PRSS55: variants seen among roughly 807,000 people sequenced by gnomAD.
The protein encoded by PRSS55 is probable serine protease UNQ9391/PRO34284.
A neutral mutation model predicts 23.6 loss-of-function variants in PRSS55; 41 were observed. That is an observed-to-expected ratio of 1.74 (90% confidence interval 1.35 to 2.26). The LOEUF (loss-of-function observed/expected upper bound fraction) is 2.26. PRSS55 is among the 30% of genes most tolerant of loss of function. The pLI is 0.00. For missense variants in PRSS55, 669 were observed against 439.1 expected (o/e 1.52, Z -4.68); for synonymous variants, 262 against 175.5 (o/e 1.49, Z -3.90).
chr8:10,533,063 C>T lies in PRSS55; in HGVS notation c.741+15C>T, dbSNP rs960416540. 2 of 1,613,812 alleles carry T rather than the reference C, an allele frequency of 1.2e-6. No individual in the cohort carries two copies. The highest frequency in any genetic ancestry group is 1.7e-6 in the Non-Finnish European group (2 of 1,179,788). ...ATGCCTGCAAGGTAACTAGGGGGTA[C>T]CCTCCCTCACCTTATAGGTCCTCAC... is the stretch of plus-strand genomic sequence containing the variant. On this transcript the variant is annotated intron_variant, in intron 4 of 4. Transcript: ENST00000328655.
chr8:10,530,073 C>A (rs1379109542), intron 2 of PRSS55, among the ~76,000 whole-genome samples: 2 of 152,234 alleles, frequency 1.3e-5, no homozygotes, highest in Non-Finnish European at 2.9e-5. Flanking sequence ...CACCTGACCC[C>A]CTACTCTCCT....
At chr8:10,536,003 G>A (rs544959097) in intron 4 of PRSS55, among the ~76,000 whole-genome samples, 2 of 152,274 alleles carry the variant, frequency 1.3e-5, no homozygotes, top group South Asian at 2.1e-4. Context: ...TGGCTAACAC[G>A]GTGAAACCCC....
intron 4 of PRSS55, among the ~76,000 whole-genome samples, chr8:10,551,710 G>A (rs1295196165): frequency 2.0e-5 from 3 of 152,180 alleles, no homozygotes; most frequent in Non-Finnish European, 4.4e-5. Flanking sequence ...ATCTGCACGG[G>A]CTCTGAGAGC....
At chr8:10,526,227 G>C (rs1812017610) in intron 1 of PRSS55, among the ~76,000 whole-genome samples, 1 of 152,330 alleles carries the variant, frequency 6.6e-6, no homozygotes. Context: ...GCAACTGCTA[G>C]GGGTCGAGCA....
At chr8:10,548,050 G>T (rs1320306905) in intron 4 of PRSS55, among the ~76,000 whole-genome samples, 1 of 152,134 alleles carries the variant, frequency 6.6e-6, no homozygotes, top group Non-Finnish European at 1.5e-5. Context: ...AGGACAGGAG[G>T]CTCAGGACAG....
chr8:10,535,047 A>G (rs1585877476), intron 4 of PRSS55, among the ~76,000 whole-genome samples: 1 of 152,206 alleles, frequency 6.6e-6, no homozygotes, highest in South Asian at 2.1e-4. Context: ...ATTACAAAAC[A>G]TTACTGAAAG....
chr8:10,538,201 C>A (rs543749489), intron 4 of PRSS55, among the ~76,000 whole-genome samples: 1 of 152,294 alleles, frequency 6.6e-6, no homozygotes, highest in East Asian at 1.9e-4. Context: ...TCTCTCTGTG[C>A]TGCAGATGGA....
intron 4 of PRSS55, among the ~76,000 whole-genome samples, chr8:10,549,209 G>C (rs777357637): frequency 9.9e-5 from 15 of 152,190 alleles, no homozygotes; most frequent in East Asian, 1.9e-4. Flanking sequence ...GATGGAGCTG[G>C]GTCCTGTCCT....
intron 3 of PRSS55, among the ~76,000 whole-genome samples, chr8:10,532,225 G>A (rs1216188479): frequency 6.6e-6 from 1 of 152,166 alleles, no homozygotes; most frequent in Non-Finnish European, 1.5e-5. Flanking sequence ...AACCAGAGGG[G>A]GAAGCGGTGG....
At chr8:10,530,809 C>T (rs368798938) in intron 2 of PRSS55, among the ~76,000 whole-genome samples, 18 of 152,144 alleles carry the variant, frequency 1.2e-4, no homozygotes, top group East Asian at 7.7e-4. Context: ...CTCTGGGGTT[C>T]GGAATGTGGG....
rs186075393 is a variant in PRSS55 at position 10,531,325 on chromosome 8, C to G, written c.378C>G (p.Thr126=). The change falls in exon 3 of 5, where the codon ACC becomes ACG. Residue 126 remains threonine, a synonymous_variant. Transcript: ENST00000328655. The part of the protein sequence containing the change: ...FPEELSVVLG[T]NDLTSPSMEI... Reference sequence around the variant, plus strand: ...AAGAACTGAGTGTCGTGCTGGGGACCAACGACTTAACTAGCCCATCCATGG... The same window carrying G: ...AAGAACTGAGTGTCGTGCTGGGGACGAACGACTTAACTAGCCCATCCATGG... The G allele has an allele frequency of 1.1e-5, 18 of 1,614,132 alleles. No individual in the cohort carries two copies. The highest frequency in any genetic ancestry group is 1.4e-5 in the Non-Finnish European group (17 of 1,180,034).
chr8:10,546,431 C>T (rs896437971), intron 4 of PRSS55, among the ~76,000 whole-genome samples: 2 of 152,160 alleles, frequency 1.3e-5, no homozygotes, highest in Non-Finnish European at 2.9e-5. Flanking sequence ...GGATCAAGTC[C>T]CCTTGATGCT....
At chr8:10,529,770 C>A in intron 2 of PRSS55, 71 bp downstream of exon 2, 1 of 1,465,510 alleles carries the variant, frequency 6.8e-7, no homozygotes, top group Non-Finnish European at 9.4e-7. Context: ...CCCTCACCCA[C>A]ACCTGGTGGC....
intron 3 of PRSS55, among the ~76,000 whole-genome samples, chr8:10,532,137 G>A (rs1422110930): frequency 6.6e-6 from 1 of 152,160 alleles, no homozygotes; most frequent in Non-Finnish European, 1.5e-5. Context: ...GCGTCAGCCT[G>A]AAGGAGGCTC....
At chr8:10,527,245 C>A (rs1175000719) in intron 1 of PRSS55, among the ~76,000 whole-genome samples, 1 of 152,212 alleles carries the variant, frequency 6.6e-6, no homozygotes, top group African/African-American at 2.4e-5. Context: ...ATGTGGCTTA[C>A]TTTAGTCACC....
intron 4 of PRSS55, among the ~76,000 whole-genome samples, chr8:10,544,365 T>G (rs766769158): frequency 5.9e-5 from 9 of 151,922 alleles, no homozygotes; most frequent in African/African-American, 2.2e-4. Flanking sequence ...ATCATTTGCA[T>G]AGTTTATCTG....
In PRSS55 at chr8:10,531,382, C is replaced by T. The variant is rs201586475; in HGVS notation, c.435C>T (p.His145=). 6.2e-7 allele frequency: 1 copy of T among 1,614,236 alleles called. No individual in the cohort carries two copies. The highest frequency in any genetic ancestry group is 8.5e-7 in the Non-Finnish European group (1 of 1,180,048). ...AGGAGGTCGCCAGCATCATTCTTCACAAAGACTTTAAGAGAGCCAACATGG... is the reference window on the plus strand; with the variant it reads ...AGGAGGTCGCCAGCATCATTCTTCATAAAGACTTTAAGAGAGCCAACATGG... ...EIKEVASIIL[H]KDFKRANMDN... The change falls in exon 3 of 5, where the codon CAC becomes CAT. Residue 145 remains histidine, a synonymous_variant. Coordinates refer to ENST00000328655, the MANE Select transcript of PRSS55 (RefSeq NM_198464.4).
rs1341881380 is a variant in PRSS55 at position 10,529,451 on chromosome 8, C to T, written c.155-56C>T. 6 of 1,569,374 alleles carry T rather than the reference C, an allele frequency of 3.8e-6. No homozygotes were observed. The African/African-American group carries it at 6.7e-5, about 18-fold the overall frequency. ...CTCCCAGCCCGGTCCCCAGCTCACA[C>T]TGGATGCTGACTAAGTGTTTCCCCT... On this transcript the variant is annotated intron_variant, in intron 1 of 4. Coordinates refer to ENST00000328655, the MANE Select transcript of PRSS55 (RefSeq NM_198464.4).
At chr8:10,550,624 G>T (rs1411912941) in intron 4 of PRSS55, among the ~76,000 whole-genome samples, 2 of 152,210 alleles carry the variant, frequency 1.3e-5, no homozygotes, top group African/African-American at 4.8e-5. Context: ...CCGATTGCCT[G>T]AAGTTTCCCA....
Sources: gnomAD v4.1 joint callset for allele counts (sites outside exome capture counted in the v4.1 genomes callset) on GRCh38, gnomAD v4.1.1 for gene constraint, MANE v1.5 for transcripts, NCBI Gene and HGNC (gene_info 2026-07-23, HGNC 2026-07-21) for gene names.